Variants in MAGI1 observed in about 807,000 individuals in gnomAD.
The protein encoded by MAGI1 is membrane-associated guanylate kinase, WW and PDZ domain-containing protein 1.
MAGI1 carries 58 observed loss-of-function variants against 139.9 expected under a neutral mutation model. The observed-to-expected ratio is 0.41, with a 90% CI of 0.34 to 0.52. The LOEUF (loss-of-function observed/expected upper bound fraction) is 0.52, where lower values mean the gene tolerates loss of function less well. Among genes scored for constraint, MAGI1 ranks in the 20% least tolerant of loss-of-function variants. The probability of loss-of-function intolerance (pLI) is 0.12; values close to 1 mark genes in which losing one functional copy is unlikely to be tolerated. For missense variants in MAGI1, 1,874 were observed against 1,901.6 expected (o/e 0.99, Z 0.27); for synonymous variants, 812 against 737.9 (o/e 1.10, Z -1.63).
intron 1 of MAGI1, among the ~76,000 whole-genome samples, chr3:65,769,198 G>C (rs1216662955): frequency 6.6e-6 from 1 of 152,136 alleles, no homozygotes; most frequent in Non-Finnish European, 1.5e-5. Flanking sequence ...ATAATGAGTA[G>C]ACAAAACCAA....
At chr3:65,776,184 A>G (rs1271768308) in intron 1 of MAGI1, among the ~76,000 whole-genome samples, 1 of 151,966 alleles carries the variant, frequency 6.6e-6, no homozygotes, top group Non-Finnish European at 1.5e-5. Flanking sequence ...AAGTATTTTA[A>G]AAATCAATGT....
intron 1 of MAGI1, among the ~76,000 whole-genome samples, chr3:65,828,497 T>A (rs2042352226): frequency 6.6e-6 from 1 of 152,160 alleles, no homozygotes; most frequent in South Asian, 2.1e-4. Context: ...GATGGGAGAC[T>A]GAAAGAAAAG....
intron 2 of MAGI1, among the ~76,000 whole-genome samples, chr3:65,530,725 ACACG>A (rs1416311304): frequency 3.1e-5 from 4 of 129,992 alleles, no homozygotes; most frequent in Admixed American, 8.3e-5. Context: ...ATATATATAC[ACACG>A]TATATATATA....
intron 2 of MAGI1, among the ~76,000 whole-genome samples, chr3:65,498,055 G>T (rs1576028669): frequency 6.6e-6 from 1 of 152,138 alleles, no homozygotes; most frequent in Admixed American, 6.6e-5. Flanking sequence ...GTGGAGAAAA[G>T]GACCGAGGGA....
At chr3:65,672,635 A>G (rs1035493010) in intron 1 of MAGI1, among the ~76,000 whole-genome samples, 5 of 152,204 alleles carry the variant, frequency 3.3e-5, no homozygotes, top group Middle Eastern at 3.2e-3. Context: ...CACGGAGAAG[A>G]AGGAGAAAAT....
At chr3:65,566,435 CT>C (rs149707172) in intron 2 of MAGI1, among the ~76,000 whole-genome samples, 2,221 of 144,578 alleles carry the variant, frequency 0.015, 44 homozygotes, top group African/African-American at 0.049. Context: ...TTTTGCTCAC[CT>C]TTTTTTTTTT....
chr3:65,828,144 G>C (rs2042329279), intron 1 of MAGI1, among the ~76,000 whole-genome samples: 1 of 152,196 alleles, frequency 6.6e-6, no homozygotes, highest in African/African-American at 2.4e-5. Context: ...CTTAAGGGAG[G>C]CTTGAGTCTG....
chr3:65,770,671 T>C (rs1341131224), intron 1 of MAGI1, among the ~76,000 whole-genome samples: 1 of 152,168 alleles, frequency 6.6e-6, no homozygotes, highest in African/African-American at 2.4e-5. Flanking sequence ...TATCCTTTTT[T>C]AGTAAATTAT....
chr3:65,650,694 A>C (rs2085528419), intron 1 of MAGI1, among the ~76,000 whole-genome samples: 1 of 152,202 alleles, frequency 6.6e-6, no homozygotes, highest in African/African-American at 2.4e-5. Context: ...CAACCACAGG[A>C]AATGAGTATA....
chr3:65,434,563 T>C (rs1947697839), intron 10 of MAGI1, among the ~76,000 whole-genome samples: 1 of 152,164 alleles, frequency 6.6e-6, no homozygotes, highest in Non-Finnish European at 1.5e-5. Context: ...ATTAGCTATA[T>C]GGCTTCTTCC....
chr3:65,798,972 T>C (rs1245499664), intron 1 of MAGI1, among the ~76,000 whole-genome samples: 1 of 152,124 alleles, frequency 6.6e-6, no homozygotes, highest in Non-Finnish European at 1.5e-5. Flanking sequence ...AGTATCACAG[T>C]GCTTGTGTTC....
At chr3:65,819,652 G>A (rs1307602107) in intron 1 of MAGI1, among the ~76,000 whole-genome samples, 1 of 151,982 alleles carries the variant, frequency 6.6e-6, no homozygotes, top group Non-Finnish European at 1.5e-5. Flanking sequence ...GCCAAGGCGG[G>A]TGGATCATGA....
At chr3:65,575,927 T>C (rs145256645) in intron 2 of MAGI1, among the ~76,000 whole-genome samples, 1 of 152,300 alleles carries the variant, frequency 6.6e-6, no homozygotes, top group East Asian at 1.9e-4. Context: ...AGAGTGATTA[T>C]AAAGGGGCAC....
chr3:65,891,123 G>A (rs1448072759), intron 1 of MAGI1, among the ~76,000 whole-genome samples: 4 of 151,732 alleles, frequency 2.6e-5, no homozygotes, highest in Admixed American at 2.0e-4. Context: ...TGAGGTGGGA[G>A]GATAGCTTGA....
At chr3:65,791,297 T>C (rs1577131691) in intron 1 of MAGI1, among the ~76,000 whole-genome samples, 1 of 152,128 alleles carries the variant, frequency 6.6e-6, no homozygotes, top group Non-Finnish European at 1.5e-5. Context: ...CATCAGACAA[T>C]GAAGACACAA....
chr3:65,563,110 C>G lies in MAGI1; in HGVS notation c.430+58862G>C, dbSNP rs528671629. ...GTCTTTACGTACACCTAATTTAACA[C>G]AATTTTTAAGCAAGAGAACTTTATT... On this transcript the variant is annotated intron_variant, in intron 2 of 22. Transcript: ENST00000402939. Among the ~76,000 whole-genome samples the G allele has an allele frequency of 3.9e-4, 60 of 152,296 alleles. 1 individual carries two copies. In the South Asian group the frequency reaches 0.012, roughly 31 times the overall value.
chr3:65,353,569 A>G lies in MAGI1; in HGVS notation c.*2809T>C, dbSNP rs1438526947. On this transcript the variant is annotated 3_prime_UTR_variant, in exon 23 of 23. Transcript: ENST00000402939. ...ATTTCCATGTATTTTTACAGTAAAA[A>G]TGCATTAAAAAATCTTTCACAAAAG... 1 of 152,240 alleles carries G rather than the reference A, an allele frequency of 6.6e-6. No individual in the cohort carries two copies. Among genetic ancestry groups the G allele is most frequent in the Non-Finnish European group, 1.5e-5 (1 of 68,050 alleles). The allele number at this position is 152,240 out of a possible 1,614,324, so 9.4% of individuals were successfully genotyped here. A position where few individuals can be genotyped will look rare whatever the true frequency, so the allele number is the denominator to read the frequency against.
At chr3:65,991,301 A>G (rs1179677147) in intron 1 of MAGI1, among the ~76,000 whole-genome samples, 1 of 130,688 alleles carries the variant, frequency 7.7e-6, no homozygotes, top group Admixed American at 7.1e-5. Flanking sequence ...AAAAAAAAAA[A>G]AAAGGTAAAA....
chr3:65,458,495 TA>T (rs1949550744), intron 5 of MAGI1, among the ~76,000 whole-genome samples: 1 of 152,132 alleles, frequency 6.6e-6, no homozygotes, highest in African/African-American at 2.4e-5. Context: ...GTCTTTTGGA[TA>T]AAACCCATTT....
Sources: gnomAD v4.1 joint callset for allele counts (sites outside exome capture counted in the v4.1 genomes callset) on GRCh38, gnomAD v4.1.1 for gene constraint, MANE v1.5 for transcripts, NCBI Gene and HGNC (gene_info 2026-07-23, HGNC 2026-07-21) for gene names.